The following OPRM1 variants were observed in gnomAD, a reference collection of about 807,000 sequenced individuals.
The protein encoded by OPRM1 is opioid receptor mu 1, also known as mu-type opioid receptor.
A neutral mutation model predicts 31.8 loss-of-function variants in OPRM1; 27 were observed. That is an observed-to-expected ratio of 0.85 (90% confidence interval 0.63 to 1.17). The LOEUF (loss-of-function observed/expected upper bound fraction) is 1.17, where lower values mean the gene tolerates loss of function less well. Ranked by LOEUF, OPRM1 falls within the 50% of genes most tolerant of loss-of-function variation. The pLI is 0.00. For missense variants in OPRM1, 536 were observed against 511.1 expected (o/e 1.05, Z -0.47); for synonymous variants, 196 against 189.9 (o/e 1.03, Z -0.26).
At chr6:154,036,388 C>A (rs1484490560), upstream of OPRM1, among the ~76,000 whole-genome samples, 2 of 151,954 alleles carry the variant, frequency 1.3e-5, no homozygotes, top group African/African-American at 2.4e-5. Flanking sequence ...TAATAACTAT[C>A]CTCACTGAAA....
chr6:154,150,096 G>A (rs1292855779), intron 3 of OPRM1, among the ~76,000 whole-genome samples: 1 of 152,164 alleles, frequency 6.6e-6, no homozygotes, highest in Non-Finnish European at 1.5e-5. Context: ...CTGGGCACTT[G>A]CGTCCCTTCC....
upstream of OPRM1, among the ~76,000 whole-genome samples, chr6:154,036,521 T>C (rs1033231886): frequency 6.6e-6 from 1 of 152,024 alleles, no homozygotes; most frequent in Middle Eastern, 3.2e-3. Flanking sequence ...AAAACAACTG[T>C]TTCTAGAAAA....
intron 3 of OPRM1, among the ~76,000 whole-genome samples, chr6:154,092,755 A>G (rs953306890): frequency 6.6e-6 from 1 of 152,208 alleles, no homozygotes; most frequent in African/African-American, 2.4e-5. Context: ...CATGGGCGAC[A>G]TTAATCCTCA....
At chr6:154,183,852 T>G (rs899067049) in intron 3 of OPRM1, among the ~76,000 whole-genome samples, 3 of 151,972 alleles carry the variant, frequency 2.0e-5, no homozygotes, top group African/African-American at 7.2e-5. Context: ...GTCATGCCAC[T>G]GCACTCCAGC....
intron 3 of OPRM1, among the ~76,000 whole-genome samples, chr6:154,109,786 CTCTCTCTGTGTGTG>C (rs1796128210): frequency 1.1e-5 from 1 of 92,296 alleles, no homozygotes; most frequent in East Asian, 2.6e-4. Context: ...CTCTCTCTCT[CTCTCTCTGTGTGTG>C]TGTGTGTGTG....
intron 1 of OPRM1, among the ~76,000 whole-genome samples, chr6:154,068,436 C>T (rs1210833313): frequency 1.3e-5 from 2 of 152,118 alleles, no homozygotes; most frequent in Non-Finnish European, 2.9e-5. Flanking sequence ...GTAGATTTCT[C>T]ATTTGAGTGA....
chr6:154,174,719 A>T (rs1800162908), intron 3 of OPRM1, among the ~76,000 whole-genome samples: 1 of 152,184 alleles, frequency 6.6e-6, no homozygotes, highest in South Asian at 2.1e-4. Context: ...ACACAATAAT[A>T]ATGGGAGACT....
chr6:154,225,170 A>T (rs190126297), intron 3 of OPRM1, among the ~76,000 whole-genome samples: 3 of 152,084 alleles, frequency 2.0e-5, no homozygotes, highest in African/African-American at 7.2e-5. Flanking sequence ...CCAACACCCA[A>T]TGAATACTCC....
chr6:154,132,409 G>A (rs529021564), downstream of OPRM1, among the ~76,000 whole-genome samples: 6 of 152,098 alleles, frequency 3.9e-5, no homozygotes, highest in African/African-American at 1.4e-4. Context: ...TGTTTTAAAA[G>A]AATATTCCCC....
intron 1 of OPRM1, among the ~76,000 whole-genome samples, chr6:154,045,219 C>T (rs773325486): frequency 2.0e-5 from 3 of 151,332 alleles, no homozygotes; most frequent in Admixed American, 6.6e-5. Flanking sequence ...AGTGGGACTC[C>T]GACTCAAACA....
At chr6:154,037,672 A>T (rs1779392446), upstream of OPRM1, among the ~76,000 whole-genome samples, 1 of 152,160 alleles carries the variant, frequency 6.6e-6, no homozygotes, top group African/African-American at 2.4e-5. Context: ...TCACTTATTA[A>T]GCAATTACTA....
intron 3 of OPRM1, among the ~76,000 whole-genome samples, chr6:154,105,921 T>C (rs1795499208): frequency 6.6e-6 from 1 of 152,224 alleles, no homozygotes; most frequent in South Asian, 2.1e-4. Flanking sequence ...AACCATAAGG[T>C]AAGATTCTTA....
chr6:154,022,890 A>G (rs918036621), intron 1 of OPRM1, among the ~76,000 whole-genome samples: 2 of 150,600 alleles, frequency 1.3e-5, no homozygotes, highest in African/African-American at 2.4e-5. Context: ...TGGGTTCTCT[A>G]TTCTGTTCCA....
chr6:154,011,725 G>A (rs1777740556), intron 1 of OPRM1, among the ~76,000 whole-genome samples: 1 of 152,092 alleles, frequency 6.6e-6, no homozygotes, highest in Admixed American at 6.6e-5. Context: ...TCAAAAAGAA[G>A]TCATCTTTGA....
chr6:154,190,834 G>A (rs1021687469), intron 3 of OPRM1, among the ~76,000 whole-genome samples: 2 of 152,100 alleles, frequency 1.3e-5, no homozygotes, highest in African/African-American at 4.8e-5. Flanking sequence ...TGATTAAAAA[G>A]TGACCTATCC....
At chr6:154,152,345 AAGGAAAGAAAGAAAG>A (rs1434659957) in intron 3 of OPRM1, among the ~76,000 whole-genome samples, 1 of 13,450 alleles carries the variant, frequency 7.4e-5, no homozygotes, top group African/African-American at 1.8e-4. Context: ...GAAAGAAAGA[AAGGAAAGAAAGAAAG>A]AAAGAAAGAA....
chr6:154,156,557 A>C (rs2128544077), intron 3 of OPRM1: 1 of 152,332 alleles, frequency 6.6e-6, no homozygotes, highest in Non-Finnish European at 1.5e-5. Flanking sequence ...GGGGGCTGAA[A>C]ACACACCAAT....
At chr6:154,182,101 A>G (rs574802426) in intron 3 of OPRM1, among the ~76,000 whole-genome samples, 1 of 152,350 alleles carries the variant, frequency 6.6e-6, no homozygotes, top group South Asian at 2.1e-4. Flanking sequence ...ATTCCATGAG[A>G]AACTGAACAT....
chr6:154,211,585 G>A (rs1777969099), intron 3 of OPRM1, among the ~76,000 whole-genome samples: 1 of 152,036 alleles, frequency 6.6e-6, no homozygotes, highest in African/African-American at 2.4e-5. Flanking sequence ...CCTAGAATAG[G>A]AAACAATTTT....
Sources: allele counts gnomAD v4.1 joint callset (sites outside exome capture counted in the v4.1 genomes callset), GRCh38; gene constraint gnomAD v4.1.1; transcripts MANE v1.5; gene names NCBI Gene and HGNC (gene_info 2026-07-23, HGNC 2026-07-21).